The following PLEKHB2 variants were observed in gnomAD, a reference collection of about 807,000 sequenced individuals.
The protein encoded by PLEKHB2 is pleckstrin homology domain-containing family B member 2.
In PLEKHB2, 31 loss-of-function variants were observed where a neutral mutation model predicts 36.5. That is an observed-to-expected ratio of 0.85 (90% confidence interval 0.64 to 1.15). The LOEUF (loss-of-function observed/expected upper bound fraction) is 1.15. Among genes scored for constraint, PLEKHB2 ranks in the 50% most tolerant of loss-of-function variants. The pLI, the probability that PLEKHB2 is intolerant of heterozygous loss-of-function variation, is 0.00. For missense variants in PLEKHB2, 262 were observed against 295.3 expected (o/e 0.89, Z 0.83); for synonymous variants, 119 against 112.0 (o/e 1.06, Z -0.39).
intron 1 of PLEKHB2, among the ~76,000 whole-genome samples, chr2:131,113,804 T>C (rs923571902): frequency 6.6e-6 from 1 of 152,130 alleles, no homozygotes; most frequent in East Asian, 1.9e-4. Context: ...CCACGCCCAG[T>C]CTCCAGAGGC....
Position 131,146,953 on chromosome 2 carries a change from C to A in PLEKHB2, c.*180C>A. On this transcript the variant is annotated 3_prime_UTR_variant, in exon 8 of 8. Transcript: ENST00000693505. ...ACCACAGAGAAGGGTTTGAACTGTG[C>A]TATTTTGTTCAAATGTTGACTCTCC... is the stretch of plus-strand genomic sequence containing the variant. 2.0e-6 allele frequency: 1 copy of A among 491,306 alleles called. No homozygotes were observed. Among genetic ancestry groups the A allele is most frequent in the Non-Finnish European group, 3.4e-6 (1 of 289,902 alleles). The allele number at this position is 491,306 out of a possible 1,614,324, so 30.4% of individuals were successfully genotyped here. A position where few individuals can be genotyped will look rare whatever the true frequency, so the allele number is the denominator to read the frequency against.
intron 6 of PLEKHB2, among the ~76,000 whole-genome samples, chr2:131,134,449 A>G (rs1046674120): frequency 6.6e-6 from 1 of 152,094 alleles, no homozygotes; most frequent in African/African-American, 2.4e-5. Context: ...ATTTTCTGAA[A>G]GTTTTATAGT....
intron 1 of PLEKHB2, among the ~76,000 whole-genome samples, chr2:131,105,735 C>T (rs763131833): frequency 6.6e-6 from 1 of 152,198 alleles, no homozygotes; most frequent in Non-Finnish European, 1.5e-5. Context: ...CGAGCCCCTC[C>T]TCTCCGGCCC....
intron 1 of PLEKHB2, among the ~76,000 whole-genome samples, chr2:131,117,240 A>G (rs1695979812): frequency 6.6e-6 from 1 of 152,136 alleles, no homozygotes; most frequent in Non-Finnish European, 1.5e-5. Flanking sequence ...TGCCTGGCCA[A>G]CGTGGCGAAA....
intron 5 of PLEKHB2, among the ~76,000 whole-genome samples, chr2:131,131,498 C>CTT (rs1402520050): frequency 6.6e-6 from 1 of 152,114 alleles, no homozygotes; most frequent in Non-Finnish European, 1.5e-5. Context: ...GTAATGCTGT[C>CTT]TTTATCTGTC....
At chr2:131,138,974 A>G (rs1698527233) in intron 6 of PLEKHB2, among the ~76,000 whole-genome samples, 1 of 152,074 alleles carries the variant, frequency 6.6e-6, no homozygotes, top group African/African-American at 2.4e-5. Context: ...GTGCCTTGCT[A>G]TTTGGCCTGC....
At chr2:131,111,710 C>T (rs1366188560) in intron 1 of PLEKHB2, among the ~76,000 whole-genome samples, 12 of 151,642 alleles carry the variant, frequency 7.9e-5, no homozygotes, top group African/African-American at 2.9e-4. Context: ...AGGCTGGTCT[C>T]GAACTCCTGA....
In PLEKHB2 at chr2:131,130,546, T is replaced by C. The variant is rs77537571; in HGVS notation, c.294-175T>C. Among the ~76,000 whole-genome samples, 201 of 152,336 alleles carry C rather than the reference T, an allele frequency of 1.3e-3. 5 individuals carry two copies. In the East Asian group the frequency reaches 0.036, roughly 28 times the overall value. On this transcript the variant is annotated intron_variant, in intron 4 of 7. Transcript: ENST00000693505. ...TGTTTTAAATATTACATATCTATTA[T>C]GTATGTAATTTTTAAAAATATATAT...
intron 7 of PLEKHB2, among the ~76,000 whole-genome samples, chr2:131,142,423 TATC>T (rs996483018): frequency 2.0e-5 from 3 of 152,200 alleles, no homozygotes; most frequent in Non-Finnish European, 4.4e-5. Context: ...AATTGCCTAT[TATC>T]ATATTGGGTG....
intron 4 of PLEKHB2, among the ~76,000 whole-genome samples, chr2:131,130,009 G>A (rs902279816): frequency 1.2e-4 from 18 of 152,106 alleles, no homozygotes; most frequent in African/African-American, 3.9e-4. Flanking sequence ...TTACATAAGA[G>A]TGTAAGGGTA....
chr2:131,115,636 A>C (rs1695794460), intron 1 of PLEKHB2, among the ~76,000 whole-genome samples: 1 of 152,088 alleles, frequency 6.6e-6, no homozygotes, highest in Admixed American at 6.6e-5. Context: ...TACAGGCGTG[A>C]GCTACTGCGC....
chr2:131,120,038 G>A (rs576975157), intron 1 of PLEKHB2, among the ~76,000 whole-genome samples: 2 of 149,928 alleles, frequency 1.3e-5, no homozygotes, highest in East Asian at 3.9e-4. Flanking sequence ...GTGCAATCTC[G>A]GCTCACCGCA....
chr2:131,129,265 C>T (rs553161781), intron 4 of PLEKHB2, among the ~76,000 whole-genome samples: 141 of 120,630 alleles, frequency 1.2e-3, no homozygotes, highest in Non-Finnish European at 1.6e-3. Flanking sequence ...GTGGAGGTTG[C>T]GGTGAGCCAA....
At chr2:131,129,324 CAAAAAAAAA>C (rs1168039416) in intron 4 of PLEKHB2, among the ~76,000 whole-genome samples, 7 of 49,930 alleles carry the variant, frequency 1.4e-4, no homozygotes, top group Admixed American at 1.2e-3. Flanking sequence ...GACTCCATCT[CAAAAAAAAA>C]AAAAAAAAAA....
chr2:131,120,986 C>T lies in PLEKHB2; in HGVS notation c.37+8C>T. The T allele has an allele frequency of 6.2e-7, 1 of 1,613,566 alleles. No individual in the cohort carries two copies. ...GCTGGTTGCTGCGACAGAGTGAGTA[C>T]AGGATGTGCGGTCTGCGATCGGCAT... On this transcript the variant is annotated splice_region_variant and intron_variant, in intron 2 of 7. Coordinates refer to ENST00000693505, the MANE Select transcript of PLEKHB2 (RefSeq NM_001100623.2).
At chr2:131,124,239 T>A (rs1459881232) in intron 2 of PLEKHB2, among the ~76,000 whole-genome samples, 2 of 152,060 alleles carry the variant, frequency 1.3e-5, no homozygotes, top group African/African-American at 4.8e-5. Context: ...CCCCTCCTGG[T>A]GAGGAGAGTG....
chr2:131,135,593 G>A (rs540901253), intron 6 of PLEKHB2, among the ~76,000 whole-genome samples: 1 of 152,052 alleles, frequency 6.6e-6, no homozygotes, highest in East Asian at 1.9e-4. Flanking sequence ...CCTGATTTTA[G>A]GGGGGATGTA....
At chr2:131,142,109 G>A (rs1475116757) in intron 7 of PLEKHB2, among the ~76,000 whole-genome samples, 2 of 152,104 alleles carry the variant, frequency 1.3e-5, no homozygotes, top group African/African-American at 2.4e-5. Context: ...TAGATACGCC[G>A]ATTCACCTAA....
In PLEKHB2 at chr2:131,126,678, T is replaced by C; in HGVS notation, c.191-6T>C. On this transcript the variant is annotated splice_region_variant and splice_polypyrimidine_tract_variant and intron_variant, in intron 3 of 7. Transcript: ENST00000693505. ...AAAGTTCCTTTATTCTGCTTATTTTTCATAGATACTCAGCCCCCGGATGGA... is the reference window on the plus strand; with the variant it reads ...AAAGTTCCTTTATTCTGCTTATTTTCCATAGATACTCAGCCCCCGGATGGA... 8 of 1,565,486 alleles carry C rather than the reference T, an allele frequency of 5.1e-6. No homozygotes were observed. Among genetic ancestry groups the C allele is most frequent in the Non-Finnish European group, 7.0e-6 (8 of 1,136,332 alleles).
Sources: allele counts gnomAD v4.1 joint callset (sites outside exome capture counted in the v4.1 genomes callset), GRCh38; gene constraint gnomAD v4.1.1; transcripts MANE v1.5; gene names NCBI Gene and HGNC (gene_info 2026-07-23, HGNC 2026-07-21).